Variants in CORIN observed in about 807,000 individuals in gnomAD.
The protein encoded by CORIN is atrial natriuretic peptide-converting enzyme.
A neutral mutation model predicts 125.3 loss-of-function variants in CORIN; 117 were observed. That is an observed-to-expected ratio of 0.93 (90% CI 0.80 to 1.09). The LOEUF is 1.09. Ranked by LOEUF, CORIN falls within the 50% of genes least tolerant of loss-of-function variation. The probability of loss-of-function intolerance (pLI) is 0.00; values close to 1 mark genes in which losing one functional copy is unlikely to be tolerated. For missense variants in CORIN, 1,253 were observed against 1,306.7 expected (o/e 0.96, Z 0.63); for synonymous variants, 450 against 466.4 (o/e 0.96, Z 0.45).
chr4:47,712,238 T>C, intron 5 of CORIN, among the ~76,000 whole-genome samples: 1 of 152,340 alleles, frequency 6.6e-6, no homozygotes, highest in East Asian at 1.9e-4. Context: ...TATGACACAT[T>C]ATCATGATAT....
intron 5 of CORIN, among the ~76,000 whole-genome samples, chr4:47,711,033 G>T (rs952142380): frequency 6.6e-6 from 1 of 152,188 alleles, no homozygotes; most frequent in Non-Finnish European, 1.5e-5. Flanking sequence ...CCTGCCCTCA[G>T]ACTTTGAAGA....
chr4:47,616,602 A>T (rs1433378413), intron 19 of CORIN, among the ~76,000 whole-genome samples: 1 of 152,232 alleles, frequency 6.6e-6, no homozygotes, highest in Non-Finnish European at 1.5e-5. Flanking sequence ...CTGAAAATAC[A>T]TCATTGGACT....
intron 11 of CORIN, among the ~76,000 whole-genome samples, chr4:47,662,734 G>T (rs1040245000): frequency 6.6e-6 from 1 of 152,036 alleles, no homozygotes; most frequent in East Asian, 1.9e-4. Context: ...ATTCAACTAA[G>T]TTCTCATTTT....
At chr4:47,751,390 T>G (rs1728892688) in intron 4 of CORIN, among the ~76,000 whole-genome samples, 1 of 152,186 alleles carries the variant, frequency 6.6e-6, no homozygotes, top group African/African-American at 2.4e-5. Flanking sequence ...ACTTAGACAT[T>G]CATATGCAAA....
rs998647496 is a variant in CORIN, at chr4:47,834,795, A to T, written c.63+3092T>A. Among the ~76,000 whole-genome samples the T allele has an allele frequency of 9.9e-5, 15 of 152,258 alleles. No individual in the cohort carries two copies. The East Asian group carries it at 1.9e-3, about 20-fold the overall frequency. On this transcript the variant is annotated intron_variant, in intron 1 of 21. Coordinates refer to ENST00000273857, the MANE Select transcript of CORIN (RefSeq NM_006587.4). Reference sequence around the variant, plus strand: ...CAATACTTCAATAAAGTAGTTTTTTAAAAAAAGGTTAGGGAACCTTCACCA... The same window carrying T: ...CAATACTTCAATAAAGTAGTTTTTTTAAAAAAGGTTAGGGAACCTTCACCA...
At chr4:47,823,495 A>G (rs777634140) in intron 1 of CORIN, among the ~76,000 whole-genome samples, 3 of 152,224 alleles carry the variant, frequency 2.0e-5, no homozygotes, top group Non-Finnish European at 4.4e-5. Context: ...TTCTCTCAGC[A>G]GAAAGAGCTA....
At chr4:47,829,113 G>A (rs1355588307) in intron 1 of CORIN, among the ~76,000 whole-genome samples, 9 of 127,848 alleles carry the variant, frequency 7.0e-5, no homozygotes, top group African/African-American at 1.5e-4. Context: ...AGCCGAGATC[G>A]CGCCACTGCA....
intron 3 of CORIN, among the ~76,000 whole-genome samples, chr4:47,785,562 C>G (rs2109914670): frequency 6.6e-6 from 1 of 151,932 alleles, no homozygotes; most frequent in East Asian, 1.9e-4. Flanking sequence ...AATTTTACAG[C>G]CAATAATAGC....
At chr4:47,768,784 T>G (rs530099334) in intron 3 of CORIN, among the ~76,000 whole-genome samples, 1 of 152,308 alleles carries the variant, frequency 6.6e-6, no homozygotes, top group East Asian at 1.9e-4. Context: ...CCTTTCATGA[T>G]AAGACCTTCA....
At chr4:47,657,433 G>A (rs1006209180) in intron 12 of CORIN, among the ~76,000 whole-genome samples, 4 of 151,498 alleles carry the variant, frequency 2.6e-5, no homozygotes, top group African/African-American at 4.9e-5. Context: ...TACTCGGGAG[G>A]CTGAGGCAGG....
intron 5 of CORIN, among the ~76,000 whole-genome samples, chr4:47,702,617 T>A (rs539079402): frequency 2.1e-4 from 32 of 152,338 alleles, no homozygotes; most frequent in African/African-American, 7.7e-4. Flanking sequence ...ACCAAACTTA[T>A]TTTTAATCAC....
At chr4:47,660,828 A>G (rs957964130) in intron 12 of CORIN, among the ~76,000 whole-genome samples, 12 of 152,218 alleles carry the variant, frequency 7.9e-5, no homozygotes, top group African/African-American at 2.7e-4. Flanking sequence ...ACTGCTAGGT[A>G]TATACCTAAA....
intron 4 of CORIN, among the ~76,000 whole-genome samples, chr4:47,748,763 G>A (rs529712544): frequency 6.6e-6 from 1 of 152,022 alleles, no homozygotes; most frequent in African/African-American, 2.4e-5. Flanking sequence ...CCACAAAGCA[G>A]GCTTATATGG....
intron 19 of CORIN, among the ~76,000 whole-genome samples, chr4:47,605,814 C>G (rs765867855): frequency 2.0e-5 from 3 of 152,006 alleles, no homozygotes; most frequent in African/African-American, 7.3e-5. Context: ...CACCCACAAC[C>G]CTTCTTTTCT....
At chr4:47,819,450 A>G (rs1186745868) in intron 1 of CORIN, among the ~76,000 whole-genome samples, 1 of 152,230 alleles carries the variant, frequency 6.6e-6, no homozygotes, top group African/African-American at 2.4e-5. Context: ...TTGCAAACTC[A>G]ACAGGGCCTT....
intron 3 of CORIN, among the ~76,000 whole-genome samples, chr4:47,769,573 T>C (rs910937678): frequency 4.6e-5 from 7 of 151,574 alleles, no homozygotes; most frequent in African/African-American, 7.3e-5. Context: ...CAAAAAAAAA[T>C]TGAGCGAAAA....
At chr4:47,643,041 G>T in intron 15 of CORIN, 105 bp downstream of exon 15, 1 of 1,573,056 alleles carries the variant, frequency 6.4e-7, no homozygotes. Context: ...AAACAAAATA[G>T]ATGAACTTGG....
intron 3 of CORIN, among the ~76,000 whole-genome samples, chr4:47,769,326 G>C (rs1197985422): frequency 6.6e-6 from 1 of 152,010 alleles, no homozygotes; most frequent in Admixed American, 6.6e-5. Context: ...AACCAAGGAG[G>C]TGAAAGATCT....
intron 16 of CORIN, among the ~76,000 whole-genome samples, chr4:47,633,121 A>G (rs1177528251): frequency 6.6e-6 from 1 of 152,134 alleles, no homozygotes; most frequent in Non-Finnish European, 1.5e-5. Flanking sequence ...TCTATCTCAG[A>G]GATGGAGTGT....
Sources: gnomAD v4.1 joint callset for allele counts (sites outside exome capture counted in the v4.1 genomes callset) on GRCh38, gnomAD v4.1.1 for gene constraint, MANE v1.5 for transcripts, NCBI Gene and HGNC (gene_info 2026-07-23, HGNC 2026-07-21) for gene names.